Variants in CSMD1 observed in about 807,000 individuals in gnomAD.
The protein encoded by CSMD1 is CUB and sushi domain-containing protein 1.
Under a neutral mutation model 417.5 loss-of-function variants are expected in CSMD1, and 213 were observed. That is an observed-to-expected ratio of 0.51 (90% CI 0.46 to 0.57). CSMD1 has a LOEUF of 0.57. CSMD1 is among the 20% of genes least tolerant of loss of function. CSMD1 has a pLI of 0.00. For missense variants in CSMD1, 6,923 were observed against 4,529.7 expected (o/e 1.53, Z -15.17); for synonymous variants, 2,862 against 1,736.8 (o/e 1.65, Z -16.11).
At chr8:3,783,298 G>A (rs989452399) in intron 5 of CSMD1, among the ~76,000 whole-genome samples, 26 of 152,184 alleles carry the variant, frequency 1.7e-4, no homozygotes, top group Admixed American at 1.7e-3. Context: ...AGAAATACTG[G>A]GATGGATGGG....
At chr8:4,915,335 G>C (rs1228953738) in intron 1 of CSMD1, among the ~76,000 whole-genome samples, 2 of 152,072 alleles carry the variant, frequency 1.3e-5, no homozygotes, top group Non-Finnish European at 2.9e-5. Context: ...ATGGTAAAAA[G>C]CTAACTCTTG....
chr8:4,975,265 G>T (rs191078519), intron 1 of CSMD1, among the ~76,000 whole-genome samples: 1 of 152,142 alleles, frequency 6.6e-6, no homozygotes, highest in African/African-American at 2.4e-5. Flanking sequence ...TTCAACTTAC[G>T]CTTATTAAAG....
chr8:3,936,201 C>T (rs1312833865), intron 5 of CSMD1, among the ~76,000 whole-genome samples: 2 of 147,478 alleles, frequency 1.4e-5, no homozygotes, highest in Non-Finnish European at 3.0e-5. Context: ...AAAAAAAAGC[C>T]ATCTGCGTAA....
In CSMD1 at chr8:3,655,659, GTTT is replaced by G. The variant is rs11293138; in HGVS notation, c.1010-38865_1010-38863del. Among the ~76,000 whole-genome samples, 481 of 139,562 alleles carry G rather than the reference GTTT, an allele frequency of 3.4e-3. 1 individual carries two copies. The highest frequency in any genetic ancestry group is 9.5e-3 in the African/African-American group (343 of 36,182). 91.6% of individuals were successfully genotyped at this position (139,562 alleles called of 152,430 possible). On this transcript the variant is annotated intron_variant, in intron 7 of 69. Coordinates refer to ENST00000635120, the MANE Select transcript of CSMD1 (RefSeq NM_033225.6). ...TACAAGATGACTCAATGGAGGTTGC[GTTT>G]TTTTTTTTTTTTTTTTTTTAATCTT... is the stretch of plus-strand genomic sequence containing the variant.
chr8:4,503,743 C>A (rs147268391), intron 2 of CSMD1, among the ~76,000 whole-genome samples: 15 of 152,022 alleles, frequency 9.9e-5, no homozygotes, highest in African/African-American at 3.6e-4. Context: ...TGGGGAGATT[C>A]GGGAAGCTGG....
At chr8:3,206,137 G>C (rs1280129670) in intron 30 of CSMD1, among the ~76,000 whole-genome samples, 1 of 151,572 alleles carries the variant, frequency 6.6e-6, no homozygotes, top group African/African-American at 2.4e-5. Context: ...AATGCTTTTG[G>C]GGTCTCTTCC....
chr8:3,900,223 A>T (rs1470239052), intron 5 of CSMD1, among the ~76,000 whole-genome samples: 1 of 151,846 alleles, frequency 6.6e-6, no homozygotes, highest in African/African-American at 2.4e-5. Flanking sequence ...GCTGGGTGAC[A>T]GTGTTAACAG....
chr8:2,995,356 A>G (rs1806791199), intron 54 of CSMD1, among the ~76,000 whole-genome samples: 1 of 152,324 alleles, frequency 6.6e-6, no homozygotes, highest in East Asian at 1.9e-4. Context: ...ATCACCACAC[A>G]TCTATCAAGA....
chr8:3,669,066 C>T (rs896113454), intron 7 of CSMD1, among the ~76,000 whole-genome samples: 9 of 152,070 alleles, frequency 5.9e-5, no homozygotes, highest in African/African-American at 2.2e-4. Context: ...AACTAAGGAA[C>T]GACCCCACTA....
At chr8:3,943,933 A>T (rs11136682) in intron 5 of CSMD1, among the ~76,000 whole-genome samples, 48,467 of 151,932 alleles carry the variant, frequency 0.32, 8,873 homozygotes, top group African/African-American at 0.5. Context: ...AGAAAACACA[A>T]TGGTGGAATG....
At chr8:3,439,277 G>A (rs1239101434) in intron 12 of CSMD1, among the ~76,000 whole-genome samples, 9 of 67,884 alleles carry the variant, frequency 1.3e-4, no homozygotes, top group Non-Finnish European at 2.5e-4. Context: ...ATTTGGCAAT[G>A]TCAGTATATA....
chr8:3,824,097 A>T (rs146418282), intron 5 of CSMD1, among the ~76,000 whole-genome samples: 1 of 152,200 alleles, frequency 6.6e-6, no homozygotes, highest in Non-Finnish European at 1.5e-5. Flanking sequence ...GTCACAGTGA[A>T]ATTAGTCTCC....
At chr8:4,016,441 C>T (rs1031321923) in intron 4 of CSMD1, among the ~76,000 whole-genome samples, 1 of 152,240 alleles carries the variant, frequency 6.6e-6, no homozygotes, top group East Asian at 1.9e-4. Context: ...GAGCCTGTCT[C>T]TTAGACGTCT....
At chr8:3,330,514 G>A (rs947188239) in intron 23 of CSMD1, among the ~76,000 whole-genome samples, 2 of 152,178 alleles carry the variant, frequency 1.3e-5, no homozygotes, top group Admixed American at 6.5e-5. Flanking sequence ...CAAATACCGC[G>A]TGATCTCACT....
chr8:2,987,539 T>C (rs536390226), intron 54 of CSMD1, among the ~76,000 whole-genome samples: 3 of 152,072 alleles, frequency 2.0e-5, no homozygotes, highest in East Asian at 1.9e-4. Flanking sequence ...TCACTACTAT[T>C]TTGAAAGATG....
chr8:4,488,221 G>C (rs1175489862), intron 2 of CSMD1, among the ~76,000 whole-genome samples: 1 of 152,128 alleles, frequency 6.6e-6, no homozygotes, highest in Non-Finnish European at 1.5e-5. Flanking sequence ...CAACTTAATG[G>C]TATTTTGTTA....
At chr8:3,312,474 T>A (rs1805425798) in intron 23 of CSMD1, among the ~76,000 whole-genome samples, 1 of 152,180 alleles carries the variant, frequency 6.6e-6, no homozygotes, top group Non-Finnish European at 1.5e-5. Context: ...TGTCAGAAAG[T>A]TGAAAGTATT....
intron 3 of CSMD1, among the ~76,000 whole-genome samples, chr8:4,166,568 G>A (rs1041753196): frequency 1.5e-4 from 23 of 152,102 alleles, no homozygotes; most frequent in African/African-American, 4.3e-4. Flanking sequence ...GGATACAAAG[G>A]CATGAGAATG....
intron 6 of CSMD1, among the ~76,000 whole-genome samples, chr8:3,712,947 T>C (rs1377796062): frequency 6.6e-6 from 1 of 152,158 alleles, no homozygotes; most frequent in East Asian, 1.9e-4. Context: ...TGACTGTAGT[T>C]AATAACAATG....
Sources: allele counts gnomAD v4.1 joint callset (sites outside exome capture counted in the v4.1 genomes callset), GRCh38; gene constraint gnomAD v4.1.1; transcripts MANE v1.5; gene names NCBI Gene and HGNC (gene_info 2026-07-23, HGNC 2026-07-21).